Variants in CCDC192 observed in about 807,000 individuals in gnomAD.
CCDC192 encodes the protein coiled-coil domain containing 192, also known as coiled-coil domain-containing protein 192.
chr5:127,730,566 CA>C (rs377744407), intron 2 of CCDC192, among the ~76,000 whole-genome samples: 3 of 151,188 alleles, frequency 2.0e-5, no homozygotes, highest in Non-Finnish European at 4.4e-5. Context: ...AGAGATACAA[CA>C]AAAAAAACTT....
chr5:127,767,248 A>T (rs1755278074), intron 3 of CCDC192, among the ~76,000 whole-genome samples: 1 of 152,178 alleles, frequency 6.6e-6, no homozygotes, highest in South Asian at 2.1e-4. Flanking sequence ...AGGATCTAGG[A>T]TTCCACACAA....
chr5:127,768,120 C>G (rs1489170694), intron 3 of CCDC192, among the ~76,000 whole-genome samples: 3 of 151,918 alleles, frequency 2.0e-5, no homozygotes, highest in Admixed American at 2.0e-4. Flanking sequence ...GGCGTGGTGG[C>G]ACGTGCCTGT....
At chr5:127,726,982 C>T (rs1752361915) in intron 2 of CCDC192, among the ~76,000 whole-genome samples, 1 of 152,204 alleles carries the variant, frequency 6.6e-6, no homozygotes, top group Non-Finnish European at 1.5e-5. Flanking sequence ...ACACATTATA[C>T]AGGAGCATTC....
At chr5:127,794,302 T>G (rs1757043033) in intron 3 of CCDC192, among the ~76,000 whole-genome samples, 1 of 152,200 alleles carries the variant, frequency 6.6e-6, no homozygotes, top group African/African-American at 2.4e-5. Flanking sequence ...TCAAACCTGA[T>G]GTCCACTACT....
At chr5:127,874,551 T>C (rs2127132397) in intron 5 of CCDC192, among the ~76,000 whole-genome samples, 2 of 152,316 alleles carry the variant, frequency 1.3e-5, no homozygotes, top group South Asian at 4.1e-4. Flanking sequence ...GGTTCCCTAC[T>C]GCCTGAGTAT....
intron 2 of CCDC192, among the ~76,000 whole-genome samples, chr5:127,733,143 T>C (rs534069945): frequency 6.6e-6 from 1 of 152,200 alleles, no homozygotes; most frequent in Non-Finnish European, 1.5e-5. Context: ...GCTCTTAGTT[T>C]ATGCATAACT....
chr5:127,730,969 C>G (rs1752608623), intron 2 of CCDC192, among the ~76,000 whole-genome samples: 1 of 151,956 alleles, frequency 6.6e-6, no homozygotes, highest in Non-Finnish European at 1.5e-5. Flanking sequence ...ACGAGGATGC[C>G]CTCTCTCACC....
chr5:127,908,144 C>G (rs1444507474), intron 6 of CCDC192, among the ~76,000 whole-genome samples: 1 of 152,166 alleles, frequency 6.6e-6, no homozygotes, highest in Non-Finnish European at 1.5e-5. Flanking sequence ...CACACACAGA[C>G]CACACACATC....
chr5:127,739,625 T>G (rs36138701), intron 2 of CCDC192: 1 of 152,756 alleles, frequency 6.5e-6, no homozygotes, highest in Non-Finnish European at 1.5e-5. Flanking sequence ...CGGGATATAA[T>G]CTCGTGATGC....
intron 5 of CCDC192, chr5:127,857,514 A>C (rs1751151369): frequency 6.6e-6 from 1 of 152,220 alleles, no homozygotes; most frequent in Non-Finnish European, 1.5e-5. Flanking sequence ...AGAGCGTATT[A>C]GGGTTCTCCA....
At chr5:127,813,685 A>G (rs962121841) in intron 5 of CCDC192, among the ~76,000 whole-genome samples, 1 of 152,170 alleles carries the variant, frequency 6.6e-6, no homozygotes, top group Non-Finnish European at 1.5e-5. Flanking sequence ...GACCATATTT[A>G]AAAAAATGAT....
intron 5 of CCDC192, among the ~76,000 whole-genome samples, chr5:127,860,326 A>G (rs1014177738): frequency 2.0e-5 from 3 of 152,232 alleles, no homozygotes; most frequent in African/African-American, 7.2e-5. Context: ...GCAGAAAAAC[A>G]AGCTCTTTCT....
At chr5:127,935,406 G>C (rs770280274) in intron 6 of CCDC192, 4 of 152,098 alleles carry the variant, frequency 2.6e-5, no homozygotes, top group African/African-American at 9.7e-5. Flanking sequence ...CATACTTTTT[G>C]GTGGCACCCA....
chr5:127,752,312 T>C (rs1196321939), intron 2 of CCDC192, among the ~76,000 whole-genome samples: 1 of 152,174 alleles, frequency 6.6e-6, no homozygotes, highest in Non-Finnish European at 1.5e-5. Flanking sequence ...CCTTTCTGTT[T>C]GTTAGTTTTC....
At chr5:127,857,562 A>T (rs536916195) in intron 5 of CCDC192, 1 of 152,288 alleles carries the variant, frequency 6.6e-6, no homozygotes, top group South Asian at 2.1e-4. Context: ...ATACGTACAT[A>T]TTTTATATAT....
intron 6 of CCDC192, among the ~76,000 whole-genome samples, chr5:127,887,310 CAGAG>C (rs929561170): frequency 8.9e-6 from 1 of 112,534 alleles, no homozygotes; most frequent in Non-Finnish European, 1.7e-5. Context: ...GCCTGGGTAA[CAGAG>C]AGAGACTCTG....
At chr5:127,905,653 G>A (rs1012703221) in intron 6 of CCDC192, among the ~76,000 whole-genome samples, 1 of 152,076 alleles carries the variant, frequency 6.6e-6, no homozygotes, top group Non-Finnish European at 1.5e-5. Context: ...CAAAAGGTGT[G>A]ACTGACATGA....
chr5:127,875,587 C>T lies in CCDC192; in HGVS notation c.461C>T (p.Thr154Ile), dbSNP rs771399272. Reference sequence around the variant, plus strand: ...AAAAAACTACAGACTGATTTGGCAACAGCTAATGCCATCACAGTTCTGGAA... The same window carrying T: ...AAAAAACTACAGACTGATTTGGCAATAGCTAATGCCATCACAGTTCTGGAA... ...KVKKLQTDLA[T>I]ANAITVLELN... Residue 154 changes from threonine to isoleucine, a missense_variant, in exon 6 of 7, where the codon ACA becomes ATA. Coordinates refer to ENST00000514853, the MANE Select transcript of CCDC192 (RefSeq NM_001317938.2). 5.0e-6 allele frequency: 2 copies of T among 397,862 alleles called. No homozygotes were observed. The highest frequency in any genetic ancestry group is 8.9e-6 in the Non-Finnish European group (2 of 225,928). The allele number at this position is 397,862 out of a possible 1,614,324, so 24.6% of individuals were successfully genotyped here.
intron 6 of CCDC192, among the ~76,000 whole-genome samples, chr5:127,905,905 TATC>T (rs1448697441): frequency 6.6e-6 from 1 of 152,188 alleles, no homozygotes; most frequent in East Asian, 1.9e-4. Flanking sequence ...GGGAGAGAGA[TATC>T]ATTCCTGAGG....
Sources: gnomAD v4.1 joint callset for allele counts (sites outside exome capture counted in the v4.1 genomes callset) on GRCh38, gnomAD v4.1.1 for gene constraint, MANE v1.5 for transcripts, NCBI Gene and HGNC (gene_info 2026-07-23, HGNC 2026-07-21) for gene names.